ANGPT1: variants seen among roughly 807,000 people sequenced by gnomAD.
ANGPT1 encodes angiopoietin-1.
ANGPT1 carries 17 observed loss-of-function variants against 62.2 expected under a neutral mutation model. That is an observed-to-expected ratio of 0.27 (90% CI 0.19 to 0.41). The LOEUF (loss-of-function observed/expected upper bound fraction) is 0.41. Ranked by LOEUF, ANGPT1 falls within the 10% of genes least tolerant of loss-of-function variation. The probability of loss-of-function intolerance (pLI) is 1.00; values close to 1 mark genes in which losing one functional copy is unlikely to be tolerated. For synonymous variants in ANGPT1, 199 were observed against 198.9 expected (o/e 1.00, Z 0.00); for missense variants, 478 against 594.9 (o/e 0.80, Z 2.04).
At chr8:107,420,412 G>A (rs1810867819) in intron 1 of ANGPT1, among the ~76,000 whole-genome samples, 1 of 152,086 alleles carries the variant, frequency 6.6e-6, no homozygotes, top group Non-Finnish European at 1.5e-5. Flanking sequence ...AAAAATTGCT[G>A]TTTGCTTTAT....
rs1305099018 is a variant in ANGPT1, at chr8:107,249,992, AG to A, written c.*1862del. 6.6e-6 allele frequency: 1 copy of A among 152,606 alleles called. No homozygotes were observed. The highest frequency in any genetic ancestry group is 1.5e-5 in the Non-Finnish European group (1 of 68,010). The allele number at this position is 152,606 out of a possible 1,614,324, so 9.5% of individuals were successfully genotyped here. Reference sequence around the variant, plus strand: ...ATAATACCTGCAAATATCACTTGTAAGGCAAAAAGGGGTAGAATACAGACAC... The same window carrying A: ...ATAATACCTGCAAATATCACTTGTAAGCAAAAAGGGGTAGAATACAGACAC... On this transcript the variant is annotated 3_prime_UTR_variant, in exon 9 of 9. Coordinates refer to ENST00000517746, the MANE Select transcript of ANGPT1 (RefSeq NM_001146.5).
At chr8:107,378,829 G>A (rs2436558) in intron 1 of ANGPT1, among the ~76,000 whole-genome samples, 38,125 of 151,806 alleles carry the variant, frequency 0.25, 5,743 homozygotes, top group East Asian at 0.34. Context: ...CAGCCATGTG[G>A]AAATGTGAGT....
intron 3 of ANGPT1, among the ~76,000 whole-genome samples, chr8:107,328,579 T>C (rs999050900): frequency 8.6e-5 from 13 of 151,990 alleles, no homozygotes; most frequent in African/African-American, 3.1e-4. Flanking sequence ...TACAAAGTTT[T>C]AATATCCATT....
intron 1 of ANGPT1, among the ~76,000 whole-genome samples, chr8:107,363,362 T>C (rs1816207434): frequency 6.6e-6 from 1 of 152,222 alleles, no homozygotes; most frequent in Non-Finnish European, 1.5e-5. Flanking sequence ...TTCTCTGGTG[T>C]AACTGCATAT....
intron 1 of ANGPT1, among the ~76,000 whole-genome samples, chr8:107,369,866 G>C (rs1816346389): frequency 6.6e-6 from 1 of 152,068 alleles, no homozygotes; most frequent in African/African-American, 2.4e-5. Context: ...GATCACTGAT[G>C]TGCCAAGTGC....
chr8:107,409,749 AT>A (rs1817224652), intron 1 of ANGPT1, among the ~76,000 whole-genome samples: 1 of 151,240 alleles, frequency 6.6e-6, no homozygotes, highest in Non-Finnish European at 1.5e-5. Flanking sequence ...TCTGAAGTCC[AT>A]TATCTTTAGC....
intron 1 of ANGPT1, among the ~76,000 whole-genome samples, chr8:107,433,632 A>T (rs1274321739): frequency 2.0e-5 from 3 of 152,242 alleles, no homozygotes; most frequent in Non-Finnish European, 4.4e-5. Flanking sequence ...CATAATTTTA[A>T]AAGGATGAAA....
chr8:107,257,926 TTCTC>T lies in ANGPT1; in HGVS notation c.1337-5915_1337-5912del, dbSNP rs142506893. 6.5e-4 allele frequency among the ~76,000 whole-genome samples: 79 copies of T among 122,014 alleles called. 1 individual carries two copies. In the East Asian group the frequency reaches 9.0e-3, roughly 14 times the overall value. 80.0% of individuals were successfully genotyped at this position (122,014 alleles called of 152,430 possible). A position where few individuals can be genotyped will look rare whatever the true frequency, so the allele number is the denominator to read the frequency against. ...TTGTTTGTTTTTGACTGTTCTTTCTTTCTCTCTCTCTCTCTCTCTCTTTCTTTCT... is the reference window on the plus strand; with the variant it reads ...TTGTTTGTTTTTGACTGTTCTTTCTTTCTCTCTCTCTCTCTCTTTCTTTCT... On this transcript the variant is annotated intron_variant, in intron 8 of 8. Transcript: ENST00000517746.
chr8:107,447,277 A>C (rs1811647748), intron 1 of ANGPT1, among the ~76,000 whole-genome samples: 1 of 152,194 alleles, frequency 6.6e-6, no homozygotes, highest in Admixed American at 6.5e-5. Flanking sequence ...AAGCCATACA[A>C]GGGCTCCCCA....
At chr8:107,276,648 G>C (rs1813874209) in intron 7 of ANGPT1, among the ~76,000 whole-genome samples, 1 of 152,048 alleles carries the variant, frequency 6.6e-6, no homozygotes, top group Non-Finnish European at 1.5e-5. Flanking sequence ...AAATGGATTG[G>C]GGAACTGGAA....
chr8:107,413,976 G>A (rs1004807892), intron 1 of ANGPT1, among the ~76,000 whole-genome samples: 5 of 152,088 alleles, frequency 3.3e-5, no homozygotes, highest in African/African-American at 1.2e-4. Flanking sequence ...GAAGAAAAGT[G>A]GGTTTGGTGG....
rs547845140 is a variant in ANGPT1 at position 107,411,452 on chromosome 8, CT to C, written c.298-64356del. On this transcript the variant is annotated intron_variant, in intron 1 of 8. Coordinates refer to ENST00000517746, the MANE Select transcript of ANGPT1 (RefSeq NM_001146.5). Reference sequence around the variant, plus strand: ...TCATTCAATGAAATTGATAAAAAGACTTATAAGAATATGTACAAAATAAATT... The same window carrying C: ...TCATTCAATGAAATTGATAAAAAGACTATAAGAATATGTACAAAATAAATT... Among the ~76,000 whole-genome samples the C allele has an allele frequency of 6.4e-4, 98 of 151,982 alleles. No homozygotes were observed. The East Asian group carries it at 0.018, about 27-fold the overall frequency.
At chr8:107,341,657 ATAT>A (rs1203861831) in intron 2 of ANGPT1, among the ~76,000 whole-genome samples, 2 of 148,992 alleles carry the variant, frequency 1.3e-5, no homozygotes, top group East Asian at 3.9e-4. Flanking sequence ...TAACATAATA[ATAT>A]AACCCTATAT....
chr8:107,493,355 GGA>G (rs1235474036), intron 1 of ANGPT1, among the ~76,000 whole-genome samples: 1 of 150,364 alleles, frequency 6.7e-6, no homozygotes, highest in Non-Finnish European at 1.5e-5. Context: ...GAGGGTAAGT[GGA>G]GTGTGGGTAG....
chr8:107,487,530 C>T (rs1292644684), intron 1 of ANGPT1, among the ~76,000 whole-genome samples: 6 of 149,948 alleles, frequency 4.0e-5, no homozygotes, highest in East Asian at 1.9e-4. Flanking sequence ...ATTAAGCGGC[C>T]GTGCGTCATT....
chr8:107,357,402 A>G (rs1456549223), intron 1 of ANGPT1, among the ~76,000 whole-genome samples: 1 of 152,172 alleles, frequency 6.6e-6, no homozygotes, highest in African/African-American at 2.4e-5. Flanking sequence ...CCTTTACTGT[A>G]ATGCTTTTTA....
At chr8:107,372,884 C>G (rs1004838372) in intron 1 of ANGPT1, among the ~76,000 whole-genome samples, 1 of 151,742 alleles carries the variant, frequency 6.6e-6, no homozygotes, top group African/African-American at 2.4e-5. Context: ...CAGGTATTCA[C>G]ATGACCTAAA....
At chr8:107,287,380 A>T (rs1814167565) in intron 6 of ANGPT1, among the ~76,000 whole-genome samples, 1 of 152,168 alleles carries the variant, frequency 6.6e-6, no homozygotes, top group African/African-American at 2.4e-5. Flanking sequence ...AACAGTTTGC[A>T]TTTTTGTCTT....
At chr8:107,393,244 C>G (rs921944182) in intron 1 of ANGPT1, among the ~76,000 whole-genome samples, 7 of 152,026 alleles carry the variant, frequency 4.6e-5, no homozygotes, top group Non-Finnish European at 1.0e-4. Flanking sequence ...CTGAAAAAGG[C>G]AAGACTATAG....
Sources: gnomAD v4.1 joint callset for allele counts (sites outside exome capture counted in the v4.1 genomes callset) on GRCh38, gnomAD v4.1.1 for gene constraint, MANE v1.5 for transcripts, NCBI Gene and HGNC (gene_info 2026-07-23, HGNC 2026-07-21) for gene names.